The following PGR variants were observed in gnomAD, a reference collection of about 807,000 sequenced individuals.
The protein encoded by PGR is progesterone receptor, also known as nuclear receptor subfamily 3 group C member 3.
A neutral mutation model predicts 76.1 loss-of-function variants in PGR; 25 were observed. The ratio of observed to expected loss-of-function variants is 0.33; its 90% CI spans 0.24 to 0.46. The LOEUF is 0.46. Ranked by LOEUF, PGR falls within the 20% of genes least tolerant of loss-of-function variation. The probability of loss-of-function intolerance (pLI) is 1.00; values close to 1 mark genes in which losing one functional copy is unlikely to be tolerated. For missense variants in PGR, 1,172 were observed against 1,225.3 expected (o/e 0.96, Z 0.65); for synonymous variants, 579 against 535.0 (o/e 1.08, Z -1.14).
chr11:101,102,221 G>GA (rs1308993391), intron 2 of PGR, among the ~76,000 whole-genome samples: 2 of 152,136 alleles, frequency 1.3e-5, no homozygotes, highest in African/African-American at 4.8e-5. Context: ...AACATTTTGG[G>GA]AAAAACTGAA....
At chr11:101,060,065 G>A (rs115875732) in intron 4 of PGR, among the ~76,000 whole-genome samples, 2 of 152,042 alleles carry the variant, frequency 1.3e-5, no homozygotes, top group Non-Finnish European at 2.9e-5. Context: ...TGTTATGATG[G>A]TCATTCTGCA....
chr11:101,127,671 C>A lies in PGR; in HGVS notation c.1400G>T (p.Gly467Val), dbSNP rs1178425646. ...TLECILYKAE[G>V]APPQQGPFAP... Reference sequence around the variant, plus strand: ...GAACGGGCCCTGCTGGGGCGGCGCGCCCTCCGCTTTGTACAGGATGCACTC... The same window carrying A: ...GAACGGGCCCTGCTGGGGCGGCGCGACCTCCGCTTTGTACAGGATGCACTC... Residue 467 changes from glycine to valine, a missense_variant, in exon 1 of 8, where the codon GGC becomes GTC. Gly to Val is a moderately radical substitution (Grantham distance 109, BLOSUM62 -3). Around this residue, in one of 4 missense-constraint regions of PGR, gnomAD observed 893 missense variants for 785.9 expected, o/e 1.14. Transcript: ENST00000325455. 1 of 1,546,838 alleles carries A rather than the reference C, an allele frequency of 6.5e-7. No individual in the cohort carries two copies. The highest frequency in any genetic ancestry group is 1.2e-5 in the South Asian group (1 of 84,692).
At chr11:101,118,997 T>C (rs899528293) in intron 2 of PGR, among the ~76,000 whole-genome samples, 1 of 152,158 alleles carries the variant, frequency 6.6e-6, no homozygotes, top group Non-Finnish European at 1.5e-5. Context: ...TGGTGTGGGA[T>C]GGTTTCTGGA....
intron 2 of PGR, among the ~76,000 whole-genome samples, chr11:101,097,010 G>A (rs1413256781): frequency 6.6e-6 from 1 of 152,076 alleles, no homozygotes; most frequent in Non-Finnish European, 1.5e-5. Flanking sequence ...ATGATAAATA[G>A]GGGAGTTCAC....
chr11:101,049,922 C>A lies in PGR; in HGVS notation c.2488+7G>T. On this transcript the variant is annotated splice_region_variant and intron_variant, in intron 6 of 7. Coordinates refer to ENST00000325455, the MANE Select transcript of PGR (RefSeq NM_000926.4). ...TATCTTGCATTAAGTTACTTGAACT[C>A]ACTCACTTGTATTAAGAAGTAACAA... 1 of 1,609,430 alleles carries A rather than the reference C, an allele frequency of 6.2e-7. No homozygotes were observed. The highest frequency in any genetic ancestry group is 8.5e-7 in the Non-Finnish European group (1 of 1,176,552).
At chr11:101,100,739 G>C (rs1366685061) in intron 2 of PGR, among the ~76,000 whole-genome samples, 2 of 151,956 alleles carry the variant, frequency 1.3e-5, no homozygotes, top group African/African-American at 2.4e-5. Flanking sequence ...TTCCTCACCA[G>C]GACATTTCAC....
chr11:101,112,551 T>G (rs1051887448), intron 2 of PGR, among the ~76,000 whole-genome samples: 12 of 152,028 alleles, frequency 7.9e-5, no homozygotes, highest in African/African-American at 2.7e-4. Flanking sequence ...TTTCCGAAAA[T>G]TAGGAAGCAA....
chr11:101,077,465 A>G (rs1861165684), intron 3 of PGR, among the ~76,000 whole-genome samples: 1 of 152,230 alleles, frequency 6.6e-6, no homozygotes, highest in Admixed American at 6.5e-5. Context: ...TCCAAAAACC[A>G]AAACTATACT....
intron 2 of PGR, among the ~76,000 whole-genome samples, chr11:101,117,792 C>A (rs181724177): frequency 6.6e-6 from 1 of 152,088 alleles, no homozygotes; most frequent in East Asian, 1.9e-4. Context: ...TTTCTAACTA[C>A]TGCAGACACA....
intron 3 of PGR, among the ~76,000 whole-genome samples, chr11:101,073,784 GA>G (rs1327945897): frequency 6.6e-6 from 1 of 152,106 alleles, no homozygotes; most frequent in East Asian, 1.9e-4. Flanking sequence ...AAACCAGGAA[GA>G]AGTTGAATTC....
intron 2 of PGR, among the ~76,000 whole-genome samples, chr11:101,102,831 C>T (rs776709568): frequency 1.7e-4 from 19 of 114,916 alleles, no homozygotes; most frequent in Non-Finnish European, 2.4e-4. Flanking sequence ...TCATGAAAGA[C>T]GAATTTTCCA....
Position 101,039,220 on chromosome 11 carries a change from C to G in PGR, c.2698G>C (p.Ala900Pro), listed in dbSNP as rs1221406079. Residue 900 changes from alanine (A) to proline (P), a missense_variant, in exon 8 of 8, where the codon GCA becomes CCA. Ala to Pro is a conservative substitution (Grantham distance 27). Transcript: ENST00000325455. ...ATTTCTGGAAATTCAACACTCAGTG[C>G]CCGGGACTGGATAAATGTATTCAAG... ...YCLNTFIQSRALSVEFPEMMS... is the reference protein window; with the variant it reads ...YCLNTFIQSRPLSVEFPEMMS... 2 of 1,611,414 alleles carry G rather than the reference C, an allele frequency of 1.2e-6. No homozygotes were observed. The highest frequency in any genetic ancestry group is 1.7e-5 in the Admixed American group (1 of 59,864).
intron 2 of PGR, among the ~76,000 whole-genome samples, chr11:101,099,696 A>C (rs138769107): frequency 2.3e-3 from 355 of 152,328 alleles, no homozygotes; most frequent in Middle Eastern, 3.4e-3. Flanking sequence ...CTACTGCATT[A>C]CAGCATTACA....
chr11:101,122,856 G>T (rs1862721887), intron 2 of PGR, among the ~76,000 whole-genome samples: 1 of 152,076 alleles, frequency 6.6e-6, no homozygotes, highest in Non-Finnish European at 1.5e-5. Flanking sequence ...TCTTCTTATT[G>T]CTGCCCTAAA....
intron 3 of PGR, among the ~76,000 whole-genome samples, chr11:101,079,212 T>C (rs1237605977): frequency 6.6e-6 from 1 of 152,112 alleles, no homozygotes; most frequent in Non-Finnish European, 1.5e-5. Context: ...CTTTAAGACT[T>C]TTGGGTAAAT....
At chr11:101,074,919 A>G (rs1861069942) in intron 3 of PGR, among the ~76,000 whole-genome samples, 1 of 152,218 alleles carries the variant, frequency 6.6e-6, no homozygotes, top group South Asian at 2.1e-4. Flanking sequence ...TATAGATTCA[A>G]TGCTATCCCC....
intron 3 of PGR, chr11:101,063,251 A>T (rs1460349658): frequency 6.5e-6 from 1 of 152,816 alleles, no homozygotes; most frequent in Non-Finnish European, 1.5e-5. Flanking sequence ...TTTGTTTGCC[A>T]GCCCCACAAA....
At chr11:101,104,595 T>C (rs1157607348) in intron 2 of PGR, among the ~76,000 whole-genome samples, 1 of 152,180 alleles carries the variant, frequency 6.6e-6, no homozygotes, top group Non-Finnish European at 1.5e-5. Flanking sequence ...TTGGTGTTAT[T>C]TCCTGCTCTT....
rs962612964 is a variant in PGR, at chr11:101,038,002, A to T, written c.*1114T>A. 7.1e-5 allele frequency: 15 copies of T among 210,128 alleles called. No individual in the cohort carries two copies. Among genetic ancestry groups the T allele is most frequent in the Non-Finnish European group, 1.4e-4 (14 of 103,342 alleles). 13.0% of individuals were successfully genotyped at this position (210,128 alleles called of 1,614,324 possible). A position where few individuals can be genotyped will look rare whatever the true frequency, so the allele number is the denominator to read the frequency against. On this transcript the variant is annotated 3_prime_UTR_variant, in exon 8 of 8. Coordinates refer to ENST00000325455, the MANE Select transcript of PGR (RefSeq NM_000926.4). The stretch of plus-strand genomic sequence containing the variant: ...TTGGAAGACTCAGGGAAGATTTTAC[A>T]GAAATGACATTTGGCTGAGTCTCGA...
Sources: allele counts gnomAD v4.1 joint callset (sites outside exome capture counted in the v4.1 genomes callset), GRCh38; gene constraint gnomAD v4.1.1; regional missense constraint gnomAD v4.1.1; transcripts MANE v1.5; gene names NCBI Gene and HGNC (gene_info 2026-07-23, HGNC 2026-07-21).